SCN2A: variants seen among roughly 807,000 people sequenced by gnomAD.
SCN2A encodes sodium voltage-gated channel alpha subunit 2.
In SCN2A, 20 loss-of-function variants were observed where a neutral mutation model predicts 188.7. That is an observed-to-expected ratio of 0.11 (90% confidence interval 0.07 to 0.15). SCN2A has a LOEUF of 0.15. SCN2A is among the 10% of genes least tolerant of loss of function. The pLI is 1.00. For missense variants in SCN2A, 1,278 were observed against 2,445.0 expected (o/e 0.52, Z 10.07); for synonymous variants, 804 against 833.1 (o/e 0.97, Z 0.60).
intron 25 of SCN2A, among the ~76,000 whole-genome samples, chr2:165,382,355 G>C (rs1336731631): frequency 6.6e-6 from 1 of 151,992 alleles, no homozygotes; most frequent in Non-Finnish European, 1.5e-5. Flanking sequence ...TTAACCTAGA[G>C]ACTGGTGTGG....
At chr2:165,294,253 C>A in intron 1 of SCN2A, 1 of 300,860 alleles carries the variant, frequency 3.3e-6, no homozygotes, top group Non-Finnish European at 4.9e-6. Context: ...CTGCTGGCTG[C>A]ATGTTTTAGC....
At chr2:165,323,044 T>C in intron 11 of SCN2A, 112 bp from the exon 12 acceptor site, 1 of 1,058,742 alleles carries the variant, frequency 9.4e-7, no homozygotes, top group South Asian at 1.5e-5. Flanking sequence ...GTCCAATGAC[T>C]TATCCTTGAG....
intron 16 of SCN2A, among the ~76,000 whole-genome samples, chr2:165,347,575 A>C (rs1348719583): frequency 6.6e-6 from 1 of 152,202 alleles, no homozygotes; most frequent in African/African-American, 2.4e-5. Context: ...CATGTATCCC[A>C]AAACTTAGAG....
chr2:165,318,701 C>A (rs1246083065), intron 11 of SCN2A, among the ~76,000 whole-genome samples: 2 of 152,278 alleles, frequency 1.3e-5, no homozygotes, highest in African/African-American at 4.8e-5. Flanking sequence ...GGGGTACTGG[C>A]AGTTAAAATA....
Position 165,290,772 on chromosome 2 carries a change from G to C in SCN2A, c.-51-5001G>C, listed in dbSNP as rs1051922137. On this transcript the variant is annotated intron_variant, in intron 1 of 26. Transcript: ENST00000375437. The stretch of plus-strand genomic sequence containing the variant: ...TGATTGCAGTAGGACAACTTACTAT[G>C]GGGAAGGAATCTTGTAAGTATCTTG... The C allele has an allele frequency of 6.0e-5, 59 of 985,194 alleles. No homozygotes were observed. The African/African-American group carries it at 9.2e-4, about 15-fold the overall frequency. 61.0% of individuals were successfully genotyped at this position (985,194 alleles called of 1,614,324 possible).
At chr2:165,318,989 A>G (rs1697920597) in intron 11 of SCN2A, among the ~76,000 whole-genome samples, 1 of 152,236 alleles carries the variant, frequency 6.6e-6, no homozygotes, top group Non-Finnish European at 1.5e-5. Context: ...ATTAAAAAGC[A>G]TGGGAACAAC....
chr2:165,239,981 T>C (rs1458223640), intron 1 of SCN2A: 1 of 152,184 alleles, frequency 6.6e-6, no homozygotes, highest in East Asian at 1.9e-4. Context: ...TGTAGAGATA[T>C]AATGAAGCAG....
At chr2:165,305,557 T>C (rs1697074473) in intron 3 of SCN2A, among the ~76,000 whole-genome samples, 1 of 152,124 alleles carries the variant, frequency 6.6e-6, no homozygotes, top group African/African-American at 2.4e-5. Context: ...TACAGAGAAA[T>C]TGGTGCCCTG....
chr2:165,284,981 A>C (rs1695766322), intron 1 of SCN2A, among the ~76,000 whole-genome samples: 1 of 152,234 alleles, frequency 6.6e-6, no homozygotes, highest in Non-Finnish European at 1.5e-5. Context: ...AAATGCTTCC[A>C]TTAAAATACA....
At chr2:165,261,599 G>C (rs1241363931) in intron 1 of SCN2A, among the ~76,000 whole-genome samples, 1 of 152,174 alleles carries the variant, frequency 6.6e-6, no homozygotes, top group South Asian at 2.1e-4. Context: ...CACCTCAAGT[G>C]GGGTACACCA....
intron 20 of SCN2A, 180 bp from the exon 21 acceptor site, chr2:165,373,045 T>C (rs2105370235): frequency 1.6e-6 from 1 of 611,030 alleles, no homozygotes; most frequent in South Asian, 1.9e-5. Flanking sequence ...ATGCAAATTC[T>C]TAGGCCTTTC....
intron 17 of SCN2A, among the ~76,000 whole-genome samples, 177 bp from the exon 18 acceptor site, chr2:165,364,966 G>A (rs1574690733): frequency 2.0e-5 from 3 of 151,886 alleles, no homozygotes; most frequent in Admixed American, 2.0e-4. Context: ...CTATGGTGTT[G>A]TATCTAATCT....
chr2:165,362,853 A>G (rs1344385145), intron 17 of SCN2A, among the ~76,000 whole-genome samples: 1 of 152,094 alleles, frequency 6.6e-6, no homozygotes, highest in Non-Finnish European at 1.5e-5. Flanking sequence ...CCTAGGGTGC[A>G]TATGGTGAGT....
chr2:165,263,577 A>G (rs1056714369), intron 1 of SCN2A, among the ~76,000 whole-genome samples: 3 of 152,038 alleles, frequency 2.0e-5, no homozygotes, highest in Non-Finnish European at 4.4e-5. Flanking sequence ...CCATTGGTCT[A>G]TATGCTGACT....
chr2:165,291,521 TTTCTTTCC>T (rs1225065226), intron 1 of SCN2A, among the ~76,000 whole-genome samples: 38 of 69,244 alleles, frequency 5.5e-4, no homozygotes, highest in African/African-American at 1.8e-3. Flanking sequence ...CTTCCTCTCC[TTTCTTTCC>T]TTCCTTCCTT....
In SCN2A at chr2:165,308,703, A is replaced by G. The variant is rs1376337813; in HGVS notation, c.514A>G (p.Ile172Val). Residue 172 changes from isoleucine to valine, a missense_variant, in exon 5 of 27, where the codon ATT becomes GTT. Physicochemically the swap from Ile to Val is conservative, Grantham distance 29. Coordinates refer to ENST00000375437, the MANE Select transcript of SCN2A (RefSeq NM_001040142.2). ...AGGAATTTATACTTTTGAATCACTTATTAAAATACTTGCAAGGGGCTTTTG... is the reference window on the plus strand; with the variant it reads ...AGGAATTTATACTTTTGAATCACTTGTTAAAATACTTGCAAGGGGCTTTTG... ...FTGIYTFESLIKILARGFCLE... is the reference protein window; with the variant it reads ...FTGIYTFESLVKILARGFCLE... 2.5e-6 allele frequency: 4 copies of G among 1,612,382 alleles called. No homozygotes were observed. The East Asian group carries it at 6.7e-5, about 27-fold the overall frequency.
rs1702085357 is a variant in SCN2A, at chr2:165,390,556, G to A, written c.*732G>A. The A allele has an allele frequency of 6.6e-6, 1 of 152,532 alleles. No individual in the cohort carries two copies. The highest frequency in any genetic ancestry group is 2.4e-5 in the African/African-American group (1 of 41,378). 9.4% of individuals were successfully genotyped at this position (152,532 alleles called of 1,614,324 possible). On this transcript the variant is annotated 3_prime_UTR_variant, in exon 27 of 27. Coordinates refer to ENST00000375437, the MANE Select transcript of SCN2A (RefSeq NM_001040142.2). Reference sequence around the variant, plus strand: ...CTGTAAATGTTCCATAGAATCACAAGCATTAAAGAGTTGTTTTATTTTTAC... The same window carrying A: ...CTGTAAATGTTCCATAGAATCACAAACATTAAAGAGTTGTTTTATTTTTAC...
rs2228983 is a variant in SCN2A, at chr2:165,309,364, G to A, written c.618G>A (p.Glu206=). ...CCCCCTATTACAGATATGTGACAGAGTTTGTGGACCTGGGCAATGTCTCAG... is the reference window on the plus strand; with the variant it reads ...CCCCCTATTACAGATATGTGACAGAATTTGTGGACCTGGGCAATGTCTCAG... ...FTVITFAYVT[E]FVDLGNVSAL... is the part of the protein sequence containing the mutation. The change falls in exon 6 of 27, where the codon GAG becomes GAA. Residue 206 remains glutamate (E), a synonymous_variant. Transcript: ENST00000375437. 1.2e-6 allele frequency: 2 copies of A among 1,613,596 alleles called. No homozygotes were observed. The highest frequency in any genetic ancestry group is 2.7e-5 in the African/African-American group (2 of 74,890).
chr2:165,241,274 C>G (rs1376034807), intron 1 of SCN2A, among the ~76,000 whole-genome samples: 1 of 152,058 alleles, frequency 6.6e-6, no homozygotes, highest in Non-Finnish European at 1.5e-5. Context: ...TCAAAGCATC[C>G]AAGAAAACTG....
Sources: gnomAD v4.1 joint callset for allele counts (sites outside exome capture counted in the v4.1 genomes callset) on GRCh38, gnomAD v4.1.1 for gene constraint, MANE v1.5 for transcripts, NCBI Gene and HGNC (gene_info 2026-07-23, HGNC 2026-07-21) for gene names.